The following IL1RAP variants were observed in gnomAD, a reference collection of about 807,000 sequenced individuals.
IL1RAP encodes interleukin 1 receptor accessory protein, also known as interleukin-1 receptor accessory protein.
IL1RAP carries 35 observed loss-of-function variants against 60.7 expected under a neutral mutation model. The observed-to-expected ratio is 0.58, with a 90% CI of 0.44 to 0.76. The LOEUF is 0.76. IL1RAP is among the 30% of genes least tolerant of loss of function. IL1RAP has a pLI of 0.00. For synonymous variants in IL1RAP, 268 were observed against 250.9 expected, an observed-to-expected ratio of 1.07 and a Z score of -0.64; for missense variants, 572 against 693.9, an observed-to-expected ratio of 0.82 and a Z score of 1.97.
chr3:190,535,811 T>G (rs531247085), intron 1 of IL1RAP, among the ~76,000 whole-genome samples: 3 of 152,212 alleles, frequency 2.0e-5, no homozygotes, highest in Non-Finnish European at 2.9e-5. Flanking sequence ...TTTGTCCTTT[T>G]GTTTTTCTGT....
At chr3:190,543,032 G>A (rs912207383) in intron 1 of IL1RAP, among the ~76,000 whole-genome samples, 2 of 152,000 alleles carry the variant, frequency 1.3e-5, no homozygotes, top group African/African-American at 2.4e-5. Context: ...TCCCTCGATG[G>A]TCATTGGGTG....
chr3:190,551,594 C>T (rs1045948916), intron 1 of IL1RAP, among the ~76,000 whole-genome samples: 4 of 152,172 alleles, frequency 2.6e-5, no homozygotes, highest in Non-Finnish European at 5.9e-5. Flanking sequence ...TCAGTTCAGT[C>T]TGTTTAGTTC....
At chr3:190,607,088 C>T (rs371395135) in intron 4 of IL1RAP, among the ~76,000 whole-genome samples, 2 of 152,088 alleles carry the variant, frequency 1.3e-5, no homozygotes, top group Non-Finnish European at 2.9e-5. Context: ...ACCTTCTGAG[C>T]GTTGTCACAA....
intron 2 of IL1RAP, chr3:190,563,561 G>T (rs897423423): frequency 6.6e-6 from 1 of 152,212 alleles, no homozygotes; most frequent in African/African-American, 2.4e-5. Flanking sequence ...GCAGTTGGCT[G>T]TTTCAGCTGG....
intron 5 of IL1RAP, among the ~76,000 whole-genome samples, chr3:190,613,690 G>A (rs187040915): frequency 1.3e-5 from 2 of 152,070 alleles, no homozygotes; most frequent in Admixed American, 6.5e-5. Context: ...AAAACTAGCC[G>A]GGCATGGTGG....
At chr3:190,619,642 T>C (rs957307051) in intron 5 of IL1RAP, among the ~76,000 whole-genome samples, 1 of 151,934 alleles carries the variant, frequency 6.6e-6, no homozygotes, top group Non-Finnish European at 1.5e-5. Flanking sequence ...GGAGAAGTGC[T>C]TGAACCCAGA....
intron 9 of IL1RAP, 157 bp from the exon 10 acceptor site, chr3:190,644,091 T>G (rs1027534718): frequency 8.7e-5 from 85 of 980,446 alleles, no homozygotes; most frequent in Non-Finnish European, 1.0e-4. Context: ...GTCTAGTATT[T>G]TAAAATAGTG....
Position 190,533,757 on chromosome 3 carries a change from T to C in IL1RAP, c.-89+19538T>C, listed in dbSNP as rs115019260. On this transcript the variant is annotated intron_variant, in intron 1 of 11. Transcript: ENST00000447382. ...TTGAAATAATTCCTAATGAATGCAG[T>C]CTTGCCCAGGCCAAACCTCTTACAG... 6.3e-3 allele frequency among the ~76,000 whole-genome samples: 955 copies of C among 152,298 alleles called. 5 individuals carry two copies. The highest frequency in any genetic ancestry group is 0.017 in the Middle Eastern group (5 of 294).
intron 1 of IL1RAP, among the ~76,000 whole-genome samples, chr3:190,544,224 TA>T (rs1724184711): frequency 6.6e-6 from 1 of 152,144 alleles, no homozygotes; most frequent in African/African-American, 2.4e-5. Flanking sequence ...ATTGGAAAAA[TA>T]AAGGCTCCCC....
chr3:190,583,521 G>T (rs1167523335), intron 3 of IL1RAP, among the ~76,000 whole-genome samples: 1 of 152,202 alleles, frequency 6.6e-6, no homozygotes, highest in Non-Finnish European at 1.5e-5. Context: ...TGTGTGCTGG[G>T]CACTAAGCTG....
At chr3:190,614,250 A>G (rs1450682195) in intron 5 of IL1RAP, among the ~76,000 whole-genome samples, 1 of 151,142 alleles carries the variant, frequency 6.6e-6, no homozygotes, top group African/African-American at 2.4e-5. Flanking sequence ...AACTAAGTCT[A>G]TGAGGATTAA....
intron 9 of IL1RAP, among the ~76,000 whole-genome samples, chr3:190,633,077 CAT>C (rs931292617): frequency 9.6e-5 from 8 of 83,050 alleles, no homozygotes. Context: ...TTTTAGGAAC[CAT>C]ATATTTTTTT....
chr3:190,539,461 A>G (rs1391844439), intron 1 of IL1RAP, among the ~76,000 whole-genome samples: 1 of 152,082 alleles, frequency 6.6e-6, no homozygotes, highest in Non-Finnish European at 1.5e-5. Context: ...TTCTCCAAGT[A>G]TCTCCATCTT....
intron 1 of IL1RAP, among the ~76,000 whole-genome samples, chr3:190,535,964 C>T (rs773179941): frequency 6.6e-6 from 1 of 152,194 alleles, no homozygotes; most frequent in Non-Finnish European, 1.5e-5. Context: ...AGAAATTATA[C>T]TTTCATGAAC....
chr3:190,519,585 C>T (rs16865530), intron 1 of IL1RAP, among the ~76,000 whole-genome samples: 3,266 of 152,096 alleles, frequency 0.021, 99 homozygotes, highest in African/African-American at 0.073. Flanking sequence ...TAACCAGATT[C>T]GTAAATGCCC....
chr3:190,574,389 C>G (rs1007619465), intron 3 of IL1RAP, among the ~76,000 whole-genome samples: 8 of 152,176 alleles, frequency 5.3e-5, no homozygotes, highest in African/African-American at 1.9e-4. Flanking sequence ...GGAAAGGTGG[C>G]TTGGTACAGG....
intron 7 of IL1RAP, among the ~76,000 whole-genome samples, chr3:190,625,559 T>G (rs1301769658): frequency 6.6e-6 from 1 of 152,148 alleles, no homozygotes; most frequent in East Asian, 1.9e-4. Context: ...ATGACATTTT[T>G]CCTGGTATGA....
At chr3:190,608,947 G>C (rs1426239280) in intron 4 of IL1RAP, 48 bp from the exon 5 acceptor site, 4 of 1,457,644 alleles carry the variant, frequency 2.7e-6, no homozygotes, top group Non-Finnish European at 3.8e-6. Context: ...GTTGCTCTAT[G>C]AAATCAAATG....
Position 190,651,047 on chromosome 3 carries a change from C to G in IL1RAP, c.*2342C>G. 1 of 983,560 alleles carries G rather than the reference C, an allele frequency of 1.0e-6. No homozygotes were observed. The allele number at this position is 983,560 out of a possible 1,614,324, so 60.9% of individuals were successfully genotyped here. A position where few individuals can be genotyped will look rare whatever the true frequency, so the allele number is the denominator to read the frequency against. ...CATATCAAGTTTATGTGATACGTAT[C>G]ATTGCAAGAGAATTTGTTTCAAGAT... On this transcript the variant is annotated 3_prime_UTR_variant, in exon 12 of 12. Transcript: ENST00000447382.
Sources: allele counts gnomAD v4.1 joint callset (sites outside exome capture counted in the v4.1 genomes callset), GRCh38; gene constraint gnomAD v4.1.1; transcripts MANE v1.5; gene names NCBI Gene and HGNC (gene_info 2026-07-23, HGNC 2026-07-21).